NTF3: variants seen among roughly 807,000 people sequenced by gnomAD.
NTF3 encodes the protein neurotrophin-3.
Under a neutral mutation model 26.3 loss-of-function variants are expected in NTF3, and 8 were observed. That is an observed-to-expected ratio of 0.30 (90% CI 0.18 to 0.55). NTF3 has a LOEUF of 0.55. Among genes scored for constraint, NTF3 ranks in the 20% least tolerant of loss-of-function variants. The pLI is 0.93. For synonymous variants in NTF3, 154 were observed against 145.5 expected, an observed-to-expected ratio of 1.06 and a Z score of -0.42; for missense variants, 276 against 352.9, an observed-to-expected ratio of 0.78 and a Z score of 1.75.
intron 1 of NTF3, among the ~76,000 whole-genome samples, chr12:5,463,570 C>G (rs1940549968): frequency 1.3e-5 from 2 of 151,940 alleles, no homozygotes; most frequent in African/African-American, 4.8e-5. Flanking sequence ...ACAGAAGGAA[C>G]CACAAGAATG....
In NTF3 at chr12:5,495,233, A is replaced by G. The variant is rs1373583606; in HGVS notation, c.*245A>G. The G allele has an allele frequency of 1.7e-5, 8 of 484,518 alleles. No homozygotes were observed. Among genetic ancestry groups the G allele is most frequent in the Non-Finnish European group, 2.6e-5 (7 of 265,674 alleles). The allele number at this position is 484,518 out of a possible 1,614,324, so 30.0% of individuals were successfully genotyped here. ...AGGAGTCACTCTGTAAAATCTGTGT[A>G]CACCAGTATTTTGCATTCAGTATTG... is the stretch of plus-strand genomic sequence containing the variant. On this transcript the variant is annotated 3_prime_UTR_variant, in exon 2 of 2. Transcript: ENST00000423158.
intron 1 of NTF3, among the ~76,000 whole-genome samples, chr12:5,434,474 T>A (rs1299630026): frequency 1.5e-5 from 2 of 136,992 alleles, no homozygotes; most frequent in South Asian, 2.6e-4. Flanking sequence ...TTTTCCAAAG[T>A]GTGTGTGTGT....
intron 1 of NTF3, among the ~76,000 whole-genome samples, chr12:5,440,952 G>A (rs191125454): frequency 3.3e-5 from 5 of 152,348 alleles, no homozygotes; most frequent in African/African-American, 7.2e-5. Context: ...TTGAACATAC[G>A]GATGAGTGCA....
At chr12:5,452,825 G>A (rs1157280141) in intron 1 of NTF3, among the ~76,000 whole-genome samples, 5 of 152,134 alleles carry the variant, frequency 3.3e-5, no homozygotes, top group African/African-American at 1.2e-4. Flanking sequence ...GATCCTCTAA[G>A]CATATGTGCT....
intron 1 of NTF3, among the ~76,000 whole-genome samples, chr12:5,458,375 C>T (rs1263372813): frequency 2.0e-5 from 3 of 152,216 alleles, no homozygotes; most frequent in African/African-American, 4.8e-5. Flanking sequence ...CATGCTGCAG[C>T]ATCCTCAGCA....
At chr12:5,432,044 G>A (rs1455862789), upstream of NTF3, 3 of 304,600 alleles carry the variant, frequency 9.8e-6, no homozygotes, top group African/African-American at 6.7e-5. Context: ...AGGGGTTAAG[G>A]CGCTGAGCGC....
Position 5,494,850 on chromosome 12 carries a change from C to T in NTF3, c.675C>T (p.His225=). The change falls in exon 2 of 2, where the codon CAC becomes CAT. Residue 225 remains histidine (H), a synonymous_variant. Coordinates refer to ENST00000423158, the MANE Select transcript of NTF3 (RefSeq NM_001102654.2). This position sits in a 1 kb window ranked among gnomAD's most constrained non-coding sequence, Gnocchi z 8.3. The part of the protein sequence containing the change: ...KNGCRGIDDK[H]WNSQCKTSQT... ...GTTGCAGGGGTATTGATGATAAACACTGGAACTCTCAGTGCAAAACATCCC... is the reference window on the plus strand; with the variant it reads ...GTTGCAGGGGTATTGATGATAAACATTGGAACTCTCAGTGCAAAACATCCC... 1 of 1,614,130 alleles carries T rather than the reference C, an allele frequency of 6.2e-7. No homozygotes were observed. Among genetic ancestry groups the T allele is most frequent in the Non-Finnish European group, 8.5e-7 (1 of 1,180,042 alleles).
chr12:5,431,641 A>T (rs1410571349), upstream of NTF3, among the ~76,000 whole-genome samples: 1 of 152,060 alleles, frequency 6.6e-6, no homozygotes, highest in Admixed American at 6.5e-5. Flanking sequence ...TACGCCTCAG[A>T]CCTGATCCTC....
intron 1 of NTF3, among the ~76,000 whole-genome samples, chr12:5,465,055 G>T (rs986116978): frequency 6.6e-6 from 1 of 152,210 alleles, no homozygotes; most frequent in African/African-American, 2.4e-5. Context: ...AGGTCAGGTG[G>T]TGTTATCTCT....
At chr12:5,441,455 T>C (rs1382729700) in intron 1 of NTF3, among the ~76,000 whole-genome samples, 1 of 151,338 alleles carries the variant, frequency 6.6e-6, no homozygotes, top group Non-Finnish European at 1.5e-5. Context: ...TCATCATCAA[T>C]GATATTAAAA....
In NTF3 at chr12:5,443,563, C is replaced by T. The variant is rs191529839; in HGVS notation, c.18+11221C>T. Among the ~76,000 whole-genome samples the T allele has an allele frequency of 7.9e-5, 12 of 152,232 alleles. No individual in the cohort carries two copies. The East Asian group carries it at 1.7e-3, about 22-fold the overall frequency. On this transcript the variant is annotated intron_variant, in intron 1 of 1. Coordinates refer to ENST00000423158, the MANE Select transcript of NTF3 (RefSeq NM_001102654.2). The stretch of plus-strand genomic sequence containing the variant: ...AAAAATATATGTGCATGGTGCTTTG[C>T]GTCCAAGATAGCTACCCCAAAAGAA...
chr12:5,451,918 C>T (rs932927983), intron 1 of NTF3, among the ~76,000 whole-genome samples: 2 of 152,064 alleles, frequency 1.3e-5, no homozygotes, highest in Non-Finnish European at 2.9e-5. Flanking sequence ...GTCTCAAACT[C>T]CTGGCCCGAA....
chr12:5,453,507 A>G (rs1940400606), intron 1 of NTF3, among the ~76,000 whole-genome samples: 1 of 152,196 alleles, frequency 6.6e-6, no homozygotes, highest in Non-Finnish European at 1.5e-5. Flanking sequence ...AGTTGGGAAG[A>G]ACTGGAACCT....
chr12:5,441,654 G>A (rs910802818), intron 1 of NTF3, among the ~76,000 whole-genome samples: 3 of 152,196 alleles, frequency 2.0e-5, no homozygotes, highest in African/African-American at 7.2e-5. Flanking sequence ...CTTGAATAGC[G>A]ACAGCCACAG....
At chr12:5,489,055 T>G (rs1448019924) in intron 1 of NTF3, among the ~76,000 whole-genome samples, 3 of 152,174 alleles carry the variant, frequency 2.0e-5, no homozygotes, top group Non-Finnish European at 2.9e-5. Context: ...ACCCAGGATG[T>G]GAGATGGTGC....
At chr12:5,447,488 A>G (rs374524647) in intron 1 of NTF3, among the ~76,000 whole-genome samples, 1 of 152,186 alleles carries the variant, frequency 6.6e-6, no homozygotes, top group East Asian at 1.9e-4. Context: ...TAGAGAACTA[A>G]CCTTTAAGCA....
Position 5,432,128 on chromosome 12 carries a change from T to A in NTF3, c.-197T>A, listed in dbSNP as rs1940099132. ...ACGGGACTCAGAGTTGAAGCTCCTC[T>A]CCCTTCCGAACAGCTCCGCGCACCG... On this transcript the variant is annotated 5_prime_UTR_variant, in exon 1 of 2. Coordinates refer to ENST00000423158, the MANE Select transcript of NTF3 (RefSeq NM_001102654.2). 1 of 666,232 alleles carries A rather than the reference T, an allele frequency of 1.5e-6. No homozygotes were observed. Among genetic ancestry groups the A allele is most frequent in the Admixed American group, 2.1e-5 (1 of 47,360 alleles). 41.3% of individuals were successfully genotyped at this position (666,232 alleles called of 1,614,324 possible). A position where few individuals can be genotyped will look rare whatever the true frequency, so the allele number is the denominator to read the frequency against.
chr12:5,438,820 G>A (rs937748220), intron 1 of NTF3, among the ~76,000 whole-genome samples: 19 of 152,172 alleles, frequency 1.2e-4, no homozygotes, highest in African/African-American at 4.3e-4. Context: ...TGTAAATGAA[G>A]GGCTTGAATT....
intron 1 of NTF3, among the ~76,000 whole-genome samples, chr12:5,460,106 CCTCA>C (rs373417694): frequency 1.6e-4 from 25 of 152,298 alleles, no homozygotes; most frequent in African/African-American, 5.5e-4. Context: ...AACTCCTCCC[CCTCA>C]CTCCCCAGTT....
Sources: allele counts gnomAD v4.1 joint callset (sites outside exome capture counted in the v4.1 genomes callset), GRCh38; gene constraint gnomAD v4.1.1; non-coding constraint Gnocchi (gnomAD v3.1); transcripts MANE v1.5; gene names NCBI Gene and HGNC (gene_info 2026-07-23, HGNC 2026-07-21).